CAMTA1: variants seen among roughly 807,000 people sequenced by gnomAD.
CAMTA1 encodes the protein calmodulin binding transcription activator 1.
In CAMTA1, 27 loss-of-function variants were observed where a neutral mutation model predicts 170.9. The ratio of observed to expected loss-of-function variants is 0.16; its 90% confidence interval spans 0.12 to 0.22. The LOEUF is 0.22. Among genes scored for constraint, CAMTA1 ranks in the 10% least tolerant of loss-of-function variants. The pLI, the probability that CAMTA1 is intolerant of heterozygous loss-of-function variation, is 1.00. For synonymous variants in CAMTA1, 833 were observed against 891.5 expected, an observed-to-expected ratio of 0.93 and a Z score of 1.17; for missense variants, 1,619 against 2,217.2, an observed-to-expected ratio of 0.73 and a Z score of 5.42.
chr1:7,129,112 A>G (rs1279567136), intron 4 of CAMTA1, among the ~76,000 whole-genome samples: 2 of 152,086 alleles, frequency 1.3e-5, no homozygotes, highest in East Asian at 3.9e-4. Flanking sequence ...TGCTGGGATT[A>G]CAGGCATGAG....
intron 6 of CAMTA1, among the ~76,000 whole-genome samples, chr1:7,543,840 T>TA (rs2094649026): frequency 6.6e-6 from 1 of 150,420 alleles, no homozygotes; most frequent in Non-Finnish European, 1.5e-5. Context: ...AGCAGAACTT[T>TA]TTTTTTTTTT....
intron 11 of CAMTA1, among the ~76,000 whole-genome samples, chr1:7,691,733 A>G (rs1267791799): frequency 6.6e-6 from 1 of 152,178 alleles, no homozygotes; most frequent in Admixed American, 6.5e-5. Context: ...TGAGAGAGCA[A>G]ATAGACAAGA....
intron 4 of CAMTA1, among the ~76,000 whole-genome samples, chr1:7,199,995 TA>T (rs1656349594): frequency 6.6e-6 from 1 of 152,238 alleles, no homozygotes; most frequent in South Asian, 2.1e-4. Context: ...TAGAACTTTA[TA>T]TAAATGACAT....
chr1:7,052,739 C>G (rs1050671611), intron 3 of CAMTA1, among the ~76,000 whole-genome samples: 3 of 152,198 alleles, frequency 2.0e-5, no homozygotes, highest in African/African-American at 7.2e-5. Context: ...TGCCCAGCAG[C>G]CTGACTGGCC....
intron 3 of CAMTA1, among the ~76,000 whole-genome samples, chr1:6,972,592 TG>T (rs1300713637): frequency 6.6e-6 from 1 of 151,982 alleles, no homozygotes; most frequent in Non-Finnish European, 1.5e-5. Context: ...TCCAGGAGAA[TG>T]GTGTTGAGGC....
chr1:7,755,295 C>A (rs1394192927), intron 21 of CAMTA1, among the ~76,000 whole-genome samples: 2 of 144,108 alleles, frequency 1.4e-5, no homozygotes, highest in Non-Finnish European at 3.0e-5. Flanking sequence ...CCATTGCTCT[C>A]CAGCCTGGGC....
intron 3 of CAMTA1, among the ~76,000 whole-genome samples, chr1:6,983,820 A>C (rs1694842484): frequency 7.2e-6 from 1 of 138,666 alleles, no homozygotes; most frequent in South Asian, 2.4e-4. Context: ...TGGATAGATT[A>C]ATGCATACAT....
chr1:7,399,705 C>T (rs2089737617), intron 5 of CAMTA1, among the ~76,000 whole-genome samples: 1 of 152,186 alleles, frequency 6.6e-6, no homozygotes, highest in African/African-American at 2.4e-5. Flanking sequence ...CTGGGACAGA[C>T]TATTTCTCCT....
chr1:7,547,371 CACACA>C lies in CAMTA1; in HGVS notation c.510+79471_510+79475del, dbSNP rs1365421198. Among the ~76,000 whole-genome samples the C allele has an allele frequency of 1.1e-4, 17 of 151,986 alleles. No homozygotes were observed. Among genetic ancestry groups the C allele is most frequent in the Non-Finnish European group, 2.2e-4 (15 of 67,960 alleles). On this transcript the variant is annotated intron_variant, in intron 6 of 22. Transcript: ENST00000303635. The surrounding 1 kb of genome is among the most constrained non-coding windows in gnomAD (Gnocchi z 5.7). ...ATGCACACACACACACACACACACA[CACACA>C]CACACACACACACAGAGTTGGCCTT... is the stretch of plus-strand genomic sequence containing the variant.
At chr1:7,636,517 GACCAGCCTGGCCA>G (rs1478987627) in intron 6 of CAMTA1, among the ~76,000 whole-genome samples, 2 of 152,198 alleles carry the variant, frequency 1.3e-5, no homozygotes, top group African/African-American at 4.8e-5. Flanking sequence ...AGGAGTTCAA[GACCAGCCTGGCCA>G]ACGTGGTGAA....
At chr1:7,750,383 G>A (rs1324375311) in intron 19 of CAMTA1, among the ~76,000 whole-genome samples, 1 of 152,212 alleles carries the variant, frequency 6.6e-6, no homozygotes, top group East Asian at 1.9e-4. Context: ...CGTCTTATAA[G>A]CAAAGGGCTT....
chr1:7,313,010 T>C (rs910831444), intron 5 of CAMTA1, among the ~76,000 whole-genome samples: 2 of 152,276 alleles, frequency 1.3e-5, no homozygotes, highest in East Asian at 1.9e-4. Flanking sequence ...TGTGTGTTTA[T>C]ACTAATTGGA....
intron 21 of CAMTA1, among the ~76,000 whole-genome samples, chr1:7,754,694 A>G (rs1453470066): frequency 1.3e-5 from 2 of 152,252 alleles, no homozygotes; most frequent in Non-Finnish European, 2.9e-5. Context: ...TGAAGAGAAC[A>G]TCAGATACGG....
chr1:7,418,388 A>G (rs953492627), intron 5 of CAMTA1, among the ~76,000 whole-genome samples: 2 of 152,132 alleles, frequency 1.3e-5, no homozygotes, highest in Non-Finnish European at 2.9e-5. Flanking sequence ...TAGTAGAGAC[A>G]GGATTTCGCC....
At chr1:7,510,949 G>A (rs1291958538) in intron 6 of CAMTA1, among the ~76,000 whole-genome samples, 1 of 144,570 alleles carries the variant, frequency 6.9e-6, no homozygotes, top group Non-Finnish European at 1.6e-5. Context: ...ACCCTCCATC[G>A]CCCCACTCTA....
chr1:7,400,633 A>T (rs1332562718), intron 5 of CAMTA1, among the ~76,000 whole-genome samples: 1 of 152,098 alleles, frequency 6.6e-6, no homozygotes, highest in Non-Finnish European at 1.5e-5. Context: ...GGTGGCTTTC[A>T]TAGGGAAAGA....
chr1:6,868,011 G>T (rs1003017508), intron 3 of CAMTA1, among the ~76,000 whole-genome samples: 1 of 152,040 alleles, frequency 6.6e-6, no homozygotes, highest in Non-Finnish European at 1.5e-5. Context: ...TCCCTATATT[G>T]CCCGGCTAGT....
At chr1:7,697,531 A>C (rs1576968960) in intron 11 of CAMTA1, among the ~76,000 whole-genome samples, 1 of 152,244 alleles carries the variant, frequency 6.6e-6, no homozygotes, top group Middle Eastern at 3.4e-3. Flanking sequence ...CACAGCAGAG[A>C]TGTCTCTGCA....
intron 1 of CAMTA1, among the ~76,000 whole-genome samples, chr1:6,807,245 C>T (rs1644623721): frequency 1.3e-5 from 2 of 152,164 alleles, no homozygotes; most frequent in Admixed American, 1.3e-4. Context: ...TGTGGAGATA[C>T]TCTGGTTATA....
Sources: allele counts gnomAD v4.1 joint callset (sites outside exome capture counted in the v4.1 genomes callset), GRCh38; gene constraint gnomAD v4.1.1; non-coding constraint Gnocchi (gnomAD v3.1); transcripts MANE v1.5; gene names NCBI Gene and HGNC (gene_info 2026-07-23, HGNC 2026-07-21).